SLC30A8: variants seen among roughly 807,000 people sequenced by gnomAD.
SLC30A8 encodes the protein solute carrier family 30 member 8.
Under a neutral mutation model 36.9 loss-of-function variants are expected in SLC30A8, and 27 were observed. That is an observed-to-expected ratio of 0.73 (90% CI 0.54 to 1.01). The LOEUF (loss-of-function observed/expected upper bound fraction) is 1.01. Among genes scored for constraint, SLC30A8 ranks in the 50% least tolerant of loss-of-function variants. The probability of loss-of-function intolerance (pLI) is 0.00; values close to 1 mark genes in which losing one functional copy is unlikely to be tolerated. For synonymous variants in SLC30A8, 164 were observed against 172.4 expected (o/e 0.95, Z 0.38); for missense variants, 439 against 452.0 (o/e 0.97, Z 0.26).
At chr8:117,167,163 TTG>T (rs1563639816) in intron 6 of SLC30A8, among the ~76,000 whole-genome samples, 1 of 152,108 alleles carries the variant, frequency 6.6e-6, no homozygotes, top group Non-Finnish European at 1.5e-5. Context: ...CCGCTTTTCT[TTG>T]TGTGTCTCGC....
At chr8:117,018,182 CAGTGGAGTTGCACCTGTG>C (rs1816581828) in intron 1 of SLC30A8, 1 of 152,142 alleles carries the variant, frequency 6.6e-6, no homozygotes, top group African/African-American at 2.4e-5. Context: ...TACTGAACAG[CAGTGGAGTTGCACCTGTG>C]TATAGCCACT....
intron 1 of SLC30A8, among the ~76,000 whole-genome samples, chr8:116,999,819 A>G (rs964354687): frequency 1.4e-5 from 2 of 144,952 alleles, no homozygotes; most frequent in Non-Finnish European, 2.9e-5. Context: ...TAAGGAAAAG[A>G]AATTATGAAA....
chr8:117,087,107 C>T (rs1301098701), intron 2 of SLC30A8, among the ~76,000 whole-genome samples: 1 of 152,170 alleles, frequency 6.6e-6, no homozygotes, highest in African/African-American at 2.4e-5. Context: ...AATGGGATTT[C>T]TCGGAAATGG....
chr8:117,003,127 C>G (rs960915095), intron 1 of SLC30A8, among the ~76,000 whole-genome samples: 1 of 152,190 alleles, frequency 6.6e-6, no homozygotes, highest in Non-Finnish European at 1.5e-5. Flanking sequence ...TGCAGCACTT[C>G]TGCTGCTGAG....
At chr8:117,049,911 T>G (rs1817658506) in intron 2 of SLC30A8, among the ~76,000 whole-genome samples, 1 of 152,178 alleles carries the variant, frequency 6.6e-6, no homozygotes, top group Non-Finnish European at 1.5e-5. Flanking sequence ...ATCTTCCTGA[T>G]ATATAGGGAT....
intron 2 of SLC30A8, among the ~76,000 whole-genome samples, chr8:117,072,331 A>G (rs553967304): frequency 4.7e-4 from 71 of 152,316 alleles, no homozygotes; most frequent in African/African-American, 1.6e-3. Flanking sequence ...ATATATCCAT[A>G]AAAGATATAT....
chr8:116,965,718 A>C (rs1814577907), intron 1 of SLC30A8, among the ~76,000 whole-genome samples: 1 of 152,318 alleles, frequency 6.6e-6, no homozygotes, highest in South Asian at 2.1e-4. Context: ...GAAATAACAA[A>C]AAATTGACTG....
chr8:116,998,908 C>A (rs1165467831), intron 1 of SLC30A8, among the ~76,000 whole-genome samples: 3 of 152,186 alleles, frequency 2.0e-5, no homozygotes, highest in Non-Finnish European at 4.4e-5. Flanking sequence ...AACTATGAGA[C>A]AATGCATTTC....
chr8:117,132,968 T>C (rs1378479508), upstream of SLC30A8, among the ~76,000 whole-genome samples: 1 of 152,048 alleles, frequency 6.6e-6, no homozygotes, highest in Non-Finnish European at 1.5e-5. Flanking sequence ...ATGGTAATCA[T>C]CTTCAAGAGT....
chr8:117,046,698 A>C (rs1398738064), intron 2 of SLC30A8, among the ~76,000 whole-genome samples: 2 of 152,218 alleles, frequency 1.3e-5, no homozygotes, highest in Non-Finnish European at 2.9e-5. Context: ...ACTAAGACGA[A>C]GCTGTGTCCT....
At chr8:117,117,309 A>G (rs185286314) in intron 2 of SLC30A8, among the ~76,000 whole-genome samples, 11 of 152,162 alleles carry the variant, frequency 7.2e-5, no homozygotes, top group Admixed American at 7.2e-4. Flanking sequence ...GAACAAAAAA[A>G]AAGACAGTTA....
chr8:117,105,017 A>G (rs963902493), intron 2 of SLC30A8, among the ~76,000 whole-genome samples: 1 of 152,094 alleles, frequency 6.6e-6, no homozygotes, highest in African/African-American at 2.4e-5. Flanking sequence ...GGACCACCAG[A>G]GGTCACTTTT....
chr8:116,957,666 G>A (rs766171434), intron 1 of SLC30A8, among the ~76,000 whole-genome samples: 5 of 152,106 alleles, frequency 3.3e-5, no homozygotes, highest in Admixed American at 6.5e-5. Context: ...CAAAACTAGG[G>A]GACTGTCTTG....
At chr8:117,036,109 T>TCC (rs113720551) in intron 1 of SLC30A8, among the ~76,000 whole-genome samples, 196 of 150,830 alleles carry the variant, frequency 1.3e-3, no homozygotes, top group Non-Finnish European at 2.4e-3. Context: ...CAGTTTGAAT[T>TCC]CCCCCCCCCA....
intron 2 of SLC30A8, among the ~76,000 whole-genome samples, chr8:117,080,305 C>A (rs1219269674): frequency 6.6e-6 from 1 of 151,914 alleles, no homozygotes; most frequent in Admixed American, 6.6e-5. Context: ...TGGCGCATAC[C>A]TTTTATTTTT....
chr8:116,951,812 G>T (rs1814002016), intron 1 of SLC30A8, among the ~76,000 whole-genome samples: 1 of 151,826 alleles, frequency 6.6e-6, no homozygotes. Context: ...TTGAGCATCA[G>T]TTTTAAAATA....
intron 2 of SLC30A8, among the ~76,000 whole-genome samples, chr8:117,052,579 G>A (rs1817744023): frequency 6.6e-6 from 1 of 152,076 alleles, no homozygotes; most frequent in African/African-American, 2.4e-5. Context: ...AACATAATCA[G>A]GATTTGTTCA....
chr8:117,011,925 C>T (rs1816356235), intron 1 of SLC30A8, among the ~76,000 whole-genome samples: 2 of 152,164 alleles, frequency 1.3e-5, no homozygotes, highest in Admixed American at 1.3e-4. Context: ...AGAAGATTTT[C>T]TCATTCCATG....
chr8:117,112,881 AT>A (rs1563605109), intron 2 of SLC30A8, among the ~76,000 whole-genome samples: 1 of 152,038 alleles, frequency 6.6e-6, no homozygotes, highest in African/African-American at 2.4e-5. Context: ...TCTTTGTTTC[AT>A]TGACTGTTGA....
Sources: gnomAD v4.1 joint callset for allele counts (sites outside exome capture counted in the v4.1 genomes callset) on GRCh38, gnomAD v4.1.1 for gene constraint, MANE v1.5 for transcripts, NCBI Gene and HGNC (gene_info 2026-07-23, HGNC 2026-07-21) for gene names.